CASR: variants seen among roughly 807,000 people sequenced by gnomAD.
The protein encoded by CASR is extracellular calcium-sensing receptor.
CASR carries 23 observed loss-of-function variants against 69.1 expected under a neutral mutation model. The ratio of observed to expected loss-of-function variants is 0.33; its 90% CI spans 0.24 to 0.47. CASR has a LOEUF of 0.47. Ranked by LOEUF, CASR falls within the 20% of genes least tolerant of loss-of-function variation. The pLI, the probability that CASR is intolerant of heterozygous loss-of-function variation, is 1.00. For missense variants in CASR, 924 were observed against 1,356.1 expected (o/e 0.68, Z 5.00); for synonymous variants, 541 against 544.7 (o/e 0.99, Z 0.10).
chr3:122,271,245 C>G (rs2074754012), intron 4 of CASR, among the ~76,000 whole-genome samples: 2 of 152,212 alleles, frequency 1.3e-5, no homozygotes, highest in South Asian at 2.1e-4. Flanking sequence ...CCACTAAAAT[C>G]TAGGCCCTCT....
intron 1 of CASR, among the ~76,000 whole-genome samples, chr3:122,192,454 A>G (rs2107580829): frequency 6.6e-6 from 1 of 152,374 alleles, no homozygotes; most frequent in East Asian, 1.9e-4. Flanking sequence ...GTGAACTGAC[A>G]CAGATCTACT....
intron 1 of CASR, among the ~76,000 whole-genome samples, chr3:122,222,031 C>A (rs2074176667): frequency 6.6e-6 from 1 of 152,202 alleles, no homozygotes; most frequent in African/African-American, 2.4e-5. Context: ...GACTATAATT[C>A]TACCCAAAAG....
At chr3:122,272,091 G>GCACA (rs35249463) in intron 4 of CASR, among the ~76,000 whole-genome samples, 2 of 148,820 alleles carry the variant, frequency 1.3e-5, no homozygotes, top group Non-Finnish European at 3.0e-5. Context: ...TCCTAGGAAT[G>GCACA]CACACACACA....
chr3:122,186,756 T>C (rs1020867183), intron 1 of CASR, among the ~76,000 whole-genome samples: 11 of 152,178 alleles, frequency 7.2e-5, no homozygotes, highest in Admixed American at 6.5e-4. Flanking sequence ...TGAGCCAAGA[T>C]TCAAAGATGG....
At chr3:122,185,369 G>C (rs2073768384) in intron 1 of CASR, among the ~76,000 whole-genome samples, 1 of 152,096 alleles carries the variant, frequency 6.6e-6, no homozygotes, top group Admixed American at 6.5e-5. Context: ...TCCTTGCAAC[G>C]CCTCTCTTGT....
intron 6 of CASR, among the ~76,000 whole-genome samples, 185 bp from the exon 7 acceptor site, chr3:122,283,502 T>C (rs35370701): frequency 0.015 from 2,293 of 152,316 alleles, 57 homozygotes; most frequent in African/African-American, 0.053. Flanking sequence ...AAATTAACCA[T>C]GTTATTAAAC....
chr3:122,261,394 A>G, intron 3 of CASR, 134 bp from the exon 4 acceptor site: 1 of 814,130 alleles, frequency 1.2e-6, no homozygotes, highest in East Asian at 2.4e-5. Context: ...TTCATCCTGT[A>G]TACAGTGAAC....
In CASR at chr3:122,284,621, G is replaced by A. The variant is rs537604680; in HGVS notation, c.2667G>A (p.Leu889=). ...HAFKVAARAT[L]RRSNVSRKRS... ...TCAAGGTGGCTGCCCGGGCCACGCT[G>A]CGCCGCAGCAACGTCTCCCGCAAGC... The change falls in exon 7 of 7, where the codon CTG becomes CTA. Residue 889 remains leucine, a synonymous_variant. Coordinates refer to ENST00000639785, the MANE Select transcript of CASR (RefSeq NM_000388.4). 6.2e-7 allele frequency: 1 copy of A among 1,614,074 alleles called. No individual in the cohort carries two copies.
At chr3:122,275,686 C>T in intron 4 of CASR, 126 bp from the exon 5 acceptor site, 4 of 743,072 alleles carry the variant, frequency 5.4e-6, no homozygotes, top group South Asian at 4.4e-5. Context: ...CTGTCTCTTC[C>T]TCAAGTCACG....
intron 3 of CASR, among the ~76,000 whole-genome samples, chr3:122,261,033 G>T (rs547326639): frequency 2.6e-5 from 4 of 152,294 alleles, no homozygotes; most frequent in African/African-American, 9.6e-5. Context: ...TGGGGAACCC[G>T]ATTCCTTCCA....
intron 1 of CASR, among the ~76,000 whole-genome samples, chr3:122,252,959 T>C (rs113638523): frequency 5.3e-5 from 8 of 152,266 alleles, no homozygotes; most frequent in African/African-American, 1.9e-4. Flanking sequence ...GGGTGCGGAG[T>C]GAGAAGAGCA....
chr3:122,196,240 T>C (rs1331760040), intron 1 of CASR, among the ~76,000 whole-genome samples: 1 of 152,130 alleles, frequency 6.6e-6, no homozygotes, highest in African/African-American at 2.4e-5. Context: ...TATAGTATGG[T>C]AAATAACATA....
chr3:122,280,646 C>G (rs920429545), intron 5 of CASR, among the ~76,000 whole-genome samples: 6 of 152,180 alleles, frequency 3.9e-5, no homozygotes, highest in African/African-American at 1.4e-4. Flanking sequence ...TCCATTACTG[C>G]CTTTCCATTC....
intron 1 of CASR, among the ~76,000 whole-genome samples, chr3:122,252,425 G>GAAAGAAAGAA (rs1448013228): frequency 3.4e-5 from 2 of 59,636 alleles, no homozygotes; most frequent in Admixed American, 3.4e-4. Flanking sequence ...AAGAAAGAAA[G>GAAAGAAAGAA]AAAGAAAGAA....
intron 1 of CASR, chr3:122,246,830 A>G (rs2074432791): frequency 6.6e-6 from 1 of 152,192 alleles, no homozygotes; most frequent in Non-Finnish European, 1.5e-5. Context: ...GGAGAGTTGC[A>G]AGTGGATGGG....
At chr3:122,274,988 G>A (rs1403856139) in intron 4 of CASR, among the ~76,000 whole-genome samples, 1 of 152,176 alleles carries the variant, frequency 6.6e-6, no homozygotes, top group African/African-American at 2.4e-5. Context: ...GCAATTAAGA[G>A]CGCAGGATTG....
At chr3:122,225,018 A>G (rs1306807315) in intron 1 of CASR, among the ~76,000 whole-genome samples, 1 of 152,196 alleles carries the variant, frequency 6.6e-6, no homozygotes, top group Non-Finnish European at 1.5e-5. Context: ...TCGCATAGGC[A>G]GAAGATTGAA....
chr3:122,204,866 A>G (rs968290854), intron 1 of CASR, among the ~76,000 whole-genome samples: 12 of 152,106 alleles, frequency 7.9e-5, no homozygotes, highest in African/African-American at 2.9e-4. Flanking sequence ...AACCATTTGT[A>G]TGTCTTCTTT....
At chr3:122,228,085 G>A (rs1399250319) in intron 1 of CASR, among the ~76,000 whole-genome samples, 2 of 152,192 alleles carry the variant, frequency 1.3e-5, no homozygotes, top group Non-Finnish European at 2.9e-5. Context: ...TTGGGGATCT[G>A]AGAACTGGTT....
Sources: gnomAD v4.1 joint callset for allele counts (sites outside exome capture counted in the v4.1 genomes callset) on GRCh38, gnomAD v4.1.1 for gene constraint, MANE v1.5 for transcripts, NCBI Gene and HGNC (gene_info 2026-07-23, HGNC 2026-07-21) for gene names.